Variants in UVRAG observed in about 807,000 individuals in gnomAD.
UVRAG encodes UV radiation resistance-associated gene protein.
Under a neutral mutation model 78.0 loss-of-function variants are expected in UVRAG, and 19 were observed. That is an observed-to-expected ratio of 0.24 (90% confidence interval 0.17 to 0.36). UVRAG has a LOEUF of 0.36. Among genes scored for constraint, UVRAG ranks in the 10% least tolerant of loss-of-function variants. The probability of loss-of-function intolerance (pLI) is 1.00; values close to 1 mark genes in which losing one functional copy is unlikely to be tolerated. For synonymous variants in UVRAG, 323 were observed against 324.6 expected, an observed-to-expected ratio of 1.00 and a Z score of 0.05; for missense variants, 740 against 853.8, an observed-to-expected ratio of 0.87 and a Z score of 1.66.
intron 14 of UVRAG, among the ~76,000 whole-genome samples, chr11:76,136,171 T>C (rs1252454126): frequency 6.6e-6 from 1 of 152,308 alleles, no homozygotes; most frequent in East Asian, 1.9e-4. Flanking sequence ...AGAGTAGAGA[T>C]AAAAATACTC....
intron 1 of UVRAG, among the ~76,000 whole-genome samples, chr11:75,831,801 T>G (rs1335852179): frequency 1.3e-5 from 2 of 152,218 alleles, no homozygotes; most frequent in East Asian, 3.9e-4. Flanking sequence ...AAAATATCGC[T>G]AAGTCAAAAG....
chr11:75,917,185 A>G (rs1391571126), intron 6 of UVRAG, among the ~76,000 whole-genome samples: 1 of 152,260 alleles, frequency 6.6e-6, no homozygotes, highest in Non-Finnish European at 1.5e-5. Flanking sequence ...GTACAAAGAC[A>G]GCTTGTGAGG....
At chr11:75,991,983 G>A (rs1949616603) in intron 8 of UVRAG, among the ~76,000 whole-genome samples, 1 of 152,042 alleles carries the variant, frequency 6.6e-6, no homozygotes, top group African/African-American at 2.4e-5. Flanking sequence ...GAAATGTCAT[G>A]TTTTCTATTC....
chr11:76,129,164 A>G (rs2134495624), intron 14 of UVRAG, among the ~76,000 whole-genome samples: 1 of 152,354 alleles, frequency 6.6e-6, no homozygotes, highest in South Asian at 2.1e-4. Flanking sequence ...TGACACAGCC[A>G]TCAAGTGGAA....
chr11:76,117,933 A>T (rs1475635458), intron 14 of UVRAG, among the ~76,000 whole-genome samples: 1 of 152,258 alleles, frequency 6.6e-6, no homozygotes, highest in African/African-American at 2.4e-5. Context: ...GATATCTGTT[A>T]GGGAAAAGCT....
intron 13 of UVRAG, among the ~76,000 whole-genome samples, chr11:76,108,281 T>C (rs1952006625): frequency 6.6e-6 from 1 of 152,166 alleles, no homozygotes; most frequent in Admixed American, 6.6e-5. Context: ...TTTCCTGGCC[T>C]GGAAAAATTG....
chr11:76,027,911 CTG>C (rs1021091075), intron 12 of UVRAG, among the ~76,000 whole-genome samples: 8 of 152,146 alleles, frequency 5.3e-5, no homozygotes, highest in Admixed American at 2.0e-4. Flanking sequence ...GGGATAAAAA[CTG>C]GTGTAGGTCT....
At chr11:76,085,972 C>T (rs1171736269) in intron 13 of UVRAG, among the ~76,000 whole-genome samples, 1 of 152,154 alleles carries the variant, frequency 6.6e-6, no homozygotes, top group Admixed American at 6.5e-5. Context: ...AAGCCATGAG[C>T]CCTGAAGTTG....
chr11:75,911,082 G>A (rs113191576), intron 5 of UVRAG: 4 of 152,962 alleles, frequency 2.6e-5, no homozygotes, highest in African/African-American at 7.2e-5. Flanking sequence ...ACCTAACACC[G>A]AATTTATCAC....
intron 6 of UVRAG, among the ~76,000 whole-genome samples, chr11:75,928,598 C>T (rs1837135854): frequency 6.8e-6 from 1 of 147,924 alleles, no homozygotes; most frequent in African/African-American, 2.5e-5. Flanking sequence ...GACCCTGCCT[C>T]AGAAAAAAAA....
intron 7 of UVRAG, among the ~76,000 whole-genome samples, chr11:75,963,778 T>C (rs1314883314): frequency 1.3e-5 from 2 of 152,350 alleles, no homozygotes; most frequent in South Asian, 2.1e-4. Context: ...TTATTTCTTA[T>C]GAAATTTCTG....
Position 75,964,853 on chromosome 11 carries a change from G to A in UVRAG, c.699+3304G>A, listed in dbSNP as rs1948984887. 3.3e-5 allele frequency among the ~76,000 whole-genome samples: 5 copies of A among 152,176 alleles called. No homozygotes were observed. The South Asian group carries it at 1.0e-3, about 32-fold the overall frequency. On this transcript the variant is annotated intron_variant, in intron 7 of 14. Transcript: ENST00000356136. ...TCCGGTTGATTTAGCATCATTTATT[G>A]AATAGTCTTTTCATTCCCCATTTAA...
intron 12 of UVRAG, among the ~76,000 whole-genome samples, chr11:76,047,204 G>C (rs532366840): frequency 6.6e-6 from 1 of 152,218 alleles, no homozygotes; most frequent in Non-Finnish European, 1.5e-5. Context: ...TTTGGGACTA[G>C]GGGAAGGCTT....
At chr11:75,978,161 G>A (rs888556013) in intron 7 of UVRAG, among the ~76,000 whole-genome samples, 6 of 152,214 alleles carry the variant, frequency 3.9e-5, no homozygotes, top group East Asian at 1.9e-4. Context: ...ATTCCGGGTC[G>A]AAAATTCTTT....
At chr11:75,930,849 A>G (rs566365929) in intron 6 of UVRAG, 62 of 152,366 alleles carry the variant, frequency 4.1e-4, no homozygotes, top group African/African-American at 1.5e-3. Flanking sequence ...GTCAGCCTGT[A>G]CTGAGTTTTC....
intron 7 of UVRAG, among the ~76,000 whole-genome samples, chr11:75,982,995 A>G (rs533436210): frequency 5.9e-5 from 9 of 152,266 alleles, no homozygotes; most frequent in East Asian, 5.8e-4. Context: ...TTGTGTGGAC[A>G]TGTGTTCAGT....
chr11:76,119,640 A>G (rs535107742), intron 14 of UVRAG, among the ~76,000 whole-genome samples: 8 of 152,278 alleles, frequency 5.3e-5, no homozygotes, highest in African/African-American at 1.7e-4. Context: ...CACTCACATC[A>G]GAGCTAATCT....
chr11:76,045,530 A>T (rs1045437673), intron 12 of UVRAG, among the ~76,000 whole-genome samples: 1 of 152,212 alleles, frequency 6.6e-6, no homozygotes, highest in Admixed American at 6.5e-5. Flanking sequence ...GATTTTTTTT[A>T]GGAGACTTTA....
At chr11:75,999,973 A>C (rs1451423553) in intron 8 of UVRAG, among the ~76,000 whole-genome samples, 2 of 152,184 alleles carry the variant, frequency 1.3e-5, no homozygotes, top group Non-Finnish European at 2.9e-5. Context: ...TTGAAGGTAG[A>C]CTATGCTTAA....
Sources: gnomAD v4.1 joint callset for allele counts (sites outside exome capture counted in the v4.1 genomes callset) on GRCh38, gnomAD v4.1.1 for gene constraint, MANE v1.5 for transcripts, NCBI Gene and HGNC (gene_info 2026-07-23, HGNC 2026-07-21) for gene names.